MICALL1: variants seen among roughly 807,000 people sequenced by gnomAD.
MICALL1 encodes MICAL like 1.
In MICALL1, 61 loss-of-function variants were observed where a neutral mutation model predicts 83.7. The observed-to-expected ratio is 0.73, with a 90% confidence interval of 0.59 to 0.90. The LOEUF is 0.90. Ranked by LOEUF, MICALL1 falls within the 40% of genes least tolerant of loss-of-function variation. The probability of loss-of-function intolerance (pLI) is 0.00; values close to 1 mark genes in which losing one functional copy is unlikely to be tolerated. For missense variants in MICALL1, 1,066 were observed against 1,152.0 expected (o/e 0.93, Z 1.08); for synonymous variants, 481 against 473.6 (o/e 1.02, Z -0.20).
In MICALL1 at chr22:37,924,888, C is replaced by T. The variant is rs926812980; in HGVS notation, c.1082+171C>T. ...TCTCCTGAGGCTCACCCCGGGATTC[C>T]TGCGGCCAGTGCCTGGCCCCCTCCC... On this transcript the variant is annotated intron_variant, in intron 7 of 15. Coordinates refer to ENST00000215957, the MANE Select transcript of MICALL1 (RefSeq NM_033386.4). This position sits in a 1 kb window ranked among gnomAD's most constrained non-coding sequence, Gnocchi z 5.2. Among the ~76,000 whole-genome samples, 19 of 152,144 alleles carry T rather than the reference C, an allele frequency of 1.2e-4. No individual in the cohort carries two copies. The highest frequency in any genetic ancestry group is 9.8e-4 in the Admixed American group (15 of 15,278).
Position 37,932,989 on chromosome 22 carries a change from A to G in MICALL1, c.2235-50A>G. The G allele has an allele frequency of 1.2e-6, 2 of 1,613,174 alleles. No individual in the cohort carries two copies. The highest frequency in any genetic ancestry group is 1.7e-6 in the Non-Finnish European group (2 of 1,179,204). On this transcript the variant is annotated intron_variant, in intron 12 of 15. Transcript: ENST00000215957. This position sits in a 1 kb window ranked among gnomAD's most constrained non-coding sequence, Gnocchi z 4.4. ...CATCAGTAACAGCGCAGGGCAGGGC[A>G]GCCGGGGCTCGGGCAGAATTGTTAA...
At chr22:37,911,014 G>T (rs1046363100) in intron 1 of MICALL1, among the ~76,000 whole-genome samples, 3 of 152,218 alleles carry the variant, frequency 2.0e-5, no homozygotes, top group Admixed American at 2.0e-4. Flanking sequence ...GCTGCATGCG[G>T]ATGCACCCAG....
At chr22:37,927,883 G>T in intron 9 of MICALL1, 57 bp downstream of exon 9, 2 of 1,507,344 alleles carry the variant, frequency 1.3e-6, no homozygotes, top group Non-Finnish European at 1.8e-6. Flanking sequence ...ATGCGGGTCT[G>T]GTCTCAGGGC....
chr22:37,912,144 TC>T, intron 2 of MICALL1, 144 bp downstream of exon 2: 1 of 1,153,354 alleles, frequency 8.7e-7, no homozygotes. Context: ...ACCCTCTGCT[TC>T]CCACCAGCCT....
At chr22:37,928,127 C>T (rs974736034) in intron 9 of MICALL1, among the ~76,000 whole-genome samples, 3 of 152,028 alleles carry the variant, frequency 2.0e-5, no homozygotes, top group South Asian at 2.1e-4. Flanking sequence ...AGGATGGTCT[C>T]GATCTCCTGA....
intron 15 of MICALL1, among the ~76,000 whole-genome samples, chr22:37,939,198 C>T (rs948254776): frequency 7.9e-5 from 12 of 152,200 alleles, no homozygotes; most frequent in Non-Finnish European, 1.8e-4. Flanking sequence ...GCTGGCCACT[C>T]TACCACTCTG....
At chr22:37,927,307 T>C (rs1601825120) in intron 8 of MICALL1, 104 bp from the exon 9 acceptor site, 2 of 1,331,860 alleles carry the variant, frequency 1.5e-6, no homozygotes, top group African/African-American at 3.0e-5. Flanking sequence ...AGGGCTTGGG[T>C]TTCTGGGGCT....
At chr22:37,917,119 A>T (rs1466644186) in intron 3 of MICALL1, among the ~76,000 whole-genome samples, 2 of 151,884 alleles carry the variant, frequency 1.3e-5, no homozygotes, top group Non-Finnish European at 2.9e-5. Context: ...TGATCCACCC[A>T]CCTCAGCCTC....
At position 37,937,755 on chromosome 22, in the gene MICALL1, G is replaced by A; in HGVS notation, c.2433G>A (p.Glu811=). 6.2e-7 allele frequency: 1 copy of A among 1,613,572 alleles called. No homozygotes were observed. Among genetic ancestry groups the A allele is most frequent in the Non-Finnish European group, 8.5e-7 (1 of 1,179,678 alleles). ...CLDEDRQREE[E]EDKMLEAMIK... Reference sequence around the variant, plus strand: ...CTGCTGCTTATTTCAGGGAGGAAGAGGAAGACAAGATGTTGGAAGCCATGA... The same window carrying A: ...CTGCTGCTTATTTCAGGGAGGAAGAAGAAGACAAGATGTTGGAAGCCATGA... Residue 811 remains glutamate, a synonymous_variant, in exon 15 of 16, where the codon GAG becomes GAA. Transcript: ENST00000215957.
intron 3 of MICALL1, among the ~76,000 whole-genome samples, chr22:37,916,336 C>G (rs1391483497): frequency 6.6e-6 from 1 of 152,172 alleles, no homozygotes; most frequent in Non-Finnish European, 1.5e-5. Flanking sequence ...ATAAATCTGC[C>G]TTTTGTAATA....
At chr22:37,929,291 G>T (rs1929660943) in intron 9 of MICALL1, among the ~76,000 whole-genome samples, 1 of 152,214 alleles carries the variant, frequency 6.6e-6, no homozygotes, top group Non-Finnish European at 1.5e-5. Flanking sequence ...GTCTCTGAAT[G>T]CCTCCCATGT....
intron 13 of MICALL1, among the ~76,000 whole-genome samples, chr22:37,936,817 G>A (rs1262251699): frequency 2.0e-5 from 3 of 152,042 alleles, no homozygotes; most frequent in Non-Finnish European, 2.9e-5. Context: ...GCGTGAACCC[G>A]GGAGGCGGAG....
rs2272829 is a variant in MICALL1, at chr22:37,927,693, C to T, written c.1748C>T (p.Pro583Leu). The T allele has an allele frequency of 0.028, 45,993 of 1,614,102 alleles. 1,108 individuals carry two copies. The highest frequency in any genetic ancestry group is 0.11 in the African/African-American group (8,112 of 75,006). ...QMPQASPGLA[P>L]RTRGSSGPQP... ...CCTCAAGCCAGCCCTGGCCTTGCCC[C>T]CAGGACCAGGGGCAGCTCAGGTCCC... Residue 583 changes from proline to leucine, a missense_variant, in exon 9 of 16, where the codon CCC (proline) becomes CTC (leucine). Transcript: ENST00000215957.
In MICALL1 at chr22:37,932,409, TG is replaced by T; in HGVS notation, c.2017-141del. The T allele has an allele frequency of 7.4e-7, 1 of 1,352,756 alleles. No homozygotes were observed. Among genetic ancestry groups the T allele is most frequent in the Non-Finnish European group, 1.0e-6 (1 of 997,964 alleles). The allele number at this position is 1,352,756 out of a possible 1,614,324, so 83.8% of individuals were successfully genotyped here. On this transcript the variant is annotated intron_variant, in intron 10 of 15. Coordinates refer to ENST00000215957, the MANE Select transcript of MICALL1 (RefSeq NM_033386.4). This position sits in a 1 kb window ranked among gnomAD's most constrained non-coding sequence, Gnocchi z 4.4. ...GTCCCCACACTGGCCCCTTCCCCAC[TG>T]GGACCCTGCCTTCTTACCATGCTGG...
chr22:37,940,729 C>G lies in MICALL1; in HGVS notation c.2491C>G (p.Pro831Ala). Residue 831 changes from proline (P) to alanine (A), a missense_variant, in exon 16 of 16, where the codon CCT becomes GCT. Coordinates refer to ENST00000215957, the MANE Select transcript of MICALL1 (RefSeq NM_033386.4). ...TGCAGAGTTCCAGAGGGAGGCTGAA[C>G]CTGAGGGCAAGAAGAAGGGGAAGTT... is the stretch of plus-strand genomic sequence containing the variant. Reference protein sequence around the residue: ...KKKEFQREAEPEGKKKGKFKT... With the variant: ...KKKEFQREAEAEGKKKGKFKT... The G allele has an allele frequency of 6.2e-7, 1 of 1,613,974 alleles. No individual in the cohort carries two copies. Among genetic ancestry groups the G allele is most frequent in the Non-Finnish European group, 8.5e-7 (1 of 1,179,918 alleles).
intron 9 of MICALL1, among the ~76,000 whole-genome samples, chr22:37,928,051 C>T (rs553898179): frequency 1.2e-4 from 18 of 152,002 alleles, no homozygotes; most frequent in South Asian, 6.2e-4. Flanking sequence ...GTACTACAGG[C>T]GCCCACCACC....
chr22:37,928,695 C>T lies in MICALL1; in HGVS notation c.1881+869C>T, dbSNP rs138558008. Among the ~76,000 whole-genome samples the T allele has an allele frequency of 1.5e-3, 233 of 152,314 alleles. 2 individuals carry two copies. The highest frequency in any genetic ancestry group is 3.4e-4 in the Non-Finnish European group (23 of 68,024). ...GCCTCCCAGGTCTTATGTATCAGGG[C>T]CCCTGTTTGCCTCCCATCCCCTCCA... is the stretch of plus-strand genomic sequence containing the variant. On this transcript the variant is annotated intron_variant, in intron 9 of 15. Coordinates refer to ENST00000215957, the MANE Select transcript of MICALL1 (RefSeq NM_033386.4).
chr22:37,936,670 A>G (rs1930139271), intron 13 of MICALL1, among the ~76,000 whole-genome samples: 1 of 152,182 alleles, frequency 6.6e-6, no homozygotes, highest in African/African-American at 2.4e-5. Context: ...AGACGGGTGG[A>G]TCACGAGGTC....
intron 8 of MICALL1, chr22:37,927,067 C>T (rs1266669861): frequency 3.0e-6 from 1 of 331,376 alleles, no homozygotes; most frequent in East Asian, 4.7e-5. Flanking sequence ...TCCCCTCTGC[C>T]TCCGCACTGC....
Sources: gnomAD v4.1 joint callset for allele counts (sites outside exome capture counted in the v4.1 genomes callset) on GRCh38, gnomAD v4.1.1 for gene constraint, Gnocchi (gnomAD v3.1) non-coding constraint, MANE v1.5 for transcripts, NCBI Gene and HGNC (gene_info 2026-07-23, HGNC 2026-07-21) for gene names.